FAP: variants seen among roughly 807,000 people sequenced by gnomAD.
FAP encodes fibroblast activation protein alpha.
A neutral mutation model predicts 126.5 loss-of-function variants in FAP; 110 were observed. The ratio of observed to expected loss-of-function variants is 0.87; its 90% CI spans 0.74 to 1.02. The LOEUF is 1.02. Ranked by LOEUF, FAP falls within the 50% of genes least tolerant of loss-of-function variation. The pLI is 0.00. For synonymous variants in FAP, 334 were observed against 297.3 expected (o/e 1.12, Z -1.27); for missense variants, 919 against 909.2 (o/e 1.01, Z -0.14).
chr2:162,239,684 A>G (rs562745813), intron 2 of FAP, among the ~76,000 whole-genome samples: 3 of 152,222 alleles, frequency 2.0e-5, no homozygotes, highest in Non-Finnish European at 4.4e-5. Context: ...GCTATCATTT[A>G]TGAAGTATTT....
intron 16 of FAP, among the ~76,000 whole-genome samples, chr2:162,195,868 C>A (rs780089463): frequency 1.3e-5 from 2 of 152,084 alleles, no homozygotes; most frequent in Non-Finnish European, 2.9e-5. Flanking sequence ...CCCACCCCCC[C>A]CAGATAGGGT....
At chr2:162,220,140 T>C (rs1207255463) in intron 6 of FAP, among the ~76,000 whole-genome samples, 6 of 152,246 alleles carry the variant, frequency 3.9e-5, no homozygotes, top group Admixed American at 3.9e-4. Context: ...CACTTAACTT[T>C]ACTGGGTGTC....
intron 25 of FAP, 127 bp from the exon 26 acceptor site, chr2:162,171,207 A>G: frequency 6.4e-6 from 4 of 621,730 alleles, no homozygotes; most frequent in Non-Finnish European, 1.1e-5. Context: ...AGAACACTCA[A>G]ATAAGTAAAA....
intron 17 of FAP, chr2:162,193,996 G>C (rs1486781915): frequency 1.3e-5 from 2 of 152,114 alleles, no homozygotes; most frequent in Non-Finnish European, 2.9e-5. Flanking sequence ...CCAGCAGGAA[G>C]AGTATCAGAG....
chr2:162,229,566 CTAA>C (rs1298885105), intron 2 of FAP, among the ~76,000 whole-genome samples: 4 of 152,176 alleles, frequency 2.6e-5, no homozygotes, highest in Non-Finnish European at 4.4e-5. Context: ...GCAATTTGTA[CTAA>C]TATTGTACAA....
intron 2 of FAP, among the ~76,000 whole-genome samples, chr2:162,240,146 G>A (rs570499591): frequency 1.3e-5 from 2 of 152,162 alleles, no homozygotes; most frequent in African/African-American, 2.4e-5. Flanking sequence ...CAGTTGAAGG[G>A]GTGTAAGCTG....
At chr2:162,216,957 G>A (rs775373712) in intron 9 of FAP, among the ~76,000 whole-genome samples, 4 of 152,288 alleles carry the variant, frequency 2.6e-5, no homozygotes, top group African/African-American at 9.6e-5. Flanking sequence ...TGGGTTCCCC[G>A]TCTCTTCCTG....
intron 21 of FAP, among the ~76,000 whole-genome samples, chr2:162,183,134 A>G (rs1402307779): frequency 6.6e-6 from 1 of 152,214 alleles, no homozygotes; most frequent in Non-Finnish European, 1.5e-5. Context: ...TCTGACGGAT[A>G]TGGTTCAGTT....
chr2:162,184,479 T>C (rs1376957864), intron 20 of FAP, among the ~76,000 whole-genome samples: 2 of 152,228 alleles, frequency 1.3e-5, no homozygotes, highest in African/African-American at 4.8e-5. Flanking sequence ...ACAGCAACCA[T>C]TTCGCTCTTG....
At chr2:162,226,119 A>C (rs1689637137) in intron 3 of FAP, among the ~76,000 whole-genome samples, 1 of 152,130 alleles carries the variant, frequency 6.6e-6, no homozygotes, top group African/African-American at 2.4e-5. Context: ...TACCGATTTC[A>C]TGACCCTTAA....
chr2:162,173,425 G>A (rs1332605786), intron 23 of FAP, among the ~76,000 whole-genome samples: 1 of 151,966 alleles, frequency 6.6e-6, no homozygotes, highest in Non-Finnish European at 1.5e-5. Flanking sequence ...GAAAGTTTAT[G>A]TGTCATATGT....
chr2:162,176,469 A>T (rs969020150), intron 21 of FAP: 1 of 152,162 alleles, frequency 6.6e-6, no homozygotes, highest in African/African-American at 2.4e-5. Context: ...ATATTTTAAA[A>T]ACAGAAGATA....
At chr2:162,175,237 C>A (rs1687444537) in intron 21 of FAP, 3 of 205,778 alleles carry the variant, frequency 1.5e-5, no homozygotes, top group Non-Finnish European at 2.9e-5. Context: ...AAGAGATAGA[C>A]AGAATTTCAA....
At chr2:162,219,313 C>T in intron 7 of FAP, 130 bp from the exon 8 acceptor site, 1 of 822,584 alleles carries the variant, frequency 1.2e-6, no homozygotes, top group Non-Finnish European at 1.8e-6. Context: ...ACTAAAATAC[C>T]ATTTTAATAG....
At chr2:162,229,104 G>A in intron 2 of FAP, among the ~76,000 whole-genome samples, 1 of 151,990 alleles carries the variant, frequency 6.6e-6, no homozygotes, top group East Asian at 1.9e-4. Context: ...CTTCAGTTAT[G>A]GCTGGTGACA....
chr2:162,224,844 T>A (rs1209978231), intron 4 of FAP, among the ~76,000 whole-genome samples: 1 of 152,124 alleles, frequency 6.6e-6, no homozygotes, highest in African/African-American at 2.4e-5. Flanking sequence ...TGCAAAATTA[T>A]TAAGAAAGAA....
At position 162,235,264 on chromosome 2, in the gene FAP, C is replaced by T. The variant is rs1018525385; in HGVS notation, c.91+7644G>A. Among the ~76,000 whole-genome samples the T allele has an allele frequency of 5.9e-5, 9 of 152,130 alleles. No individual in the cohort carries two copies. The South Asian group carries it at 8.3e-4, about 14-fold the overall frequency. On this transcript the variant is annotated intron_variant, in intron 2 of 25. Coordinates refer to ENST00000188790, the MANE Select transcript of FAP (RefSeq NM_004460.5). ...GCACTTCCCCCTGCTCCACAGTGCCCGGTCCCATGGATGGCCCAAGGGCTG... is the reference window on the plus strand; with the variant it reads ...GCACTTCCCCCTGCTCCACAGTGCCTGGTCCCATGGATGGCCCAAGGGCTG...
Position 162,173,842 on chromosome 2 carries a change from A to T in FAP, c.1970-55T>A, listed in dbSNP as rs532130068. ...TGCATGTGATGAATGTCATTTCATT[A>T]ACCAACAAGACCTTCTAGTTTAATA... On this transcript the variant is annotated intron_variant, in intron 22 of 25. Transcript: ENST00000188790. 1.1e-4 allele frequency: 121 copies of T among 1,125,024 alleles called. 1 individual carries two copies. The South Asian group carries it at 1.5e-3, about 14-fold the overall frequency. 69.7% of individuals were successfully genotyped at this position (1,125,024 alleles called of 1,614,324 possible). A position where few individuals can be genotyped will look rare whatever the true frequency, so the allele number is the denominator to read the frequency against.
chr2:162,184,132 G>A (rs1340264189), intron 20 of FAP, among the ~76,000 whole-genome samples: 1 of 152,122 alleles, frequency 6.6e-6, no homozygotes, highest in Non-Finnish European at 1.5e-5. Flanking sequence ...TCAAAATTGA[G>A]GGTTTCAAGC....
Sources: allele counts gnomAD v4.1 joint callset (sites outside exome capture counted in the v4.1 genomes callset), GRCh38; gene constraint gnomAD v4.1.1; transcripts MANE v1.5; gene names NCBI Gene and HGNC (gene_info 2026-07-23, HGNC 2026-07-21).